Variants in CACNB2 observed in about 807,000 individuals in gnomAD.
CACNB2 encodes calcium voltage-gated channel auxiliary subunit beta 2, also known as voltage-dependent L-type calcium channel subunit beta-2.
Under a neutral mutation model 73.3 loss-of-function variants are expected in CACNB2, and 42 were observed. The ratio of observed to expected loss-of-function variants is 0.57; its 90% CI spans 0.45 to 0.74. CACNB2 has a LOEUF of 0.74. Among genes scored for constraint, CACNB2 ranks in the 30% least tolerant of loss-of-function variants. CACNB2 has a pLI of 0.00. For synonymous variants in CACNB2, 348 were observed against 310.3 expected (o/e 1.12, Z -1.28); for missense variants, 940 against 853.0 (o/e 1.10, Z -1.27).
intron 3 of CACNB2, among the ~76,000 whole-genome samples, chr10:18,433,369 C>A (rs2045981667): frequency 6.6e-6 from 1 of 152,176 alleles, no homozygotes; most frequent in Admixed American, 6.5e-5. Context: ...TACAGCATTT[C>A]TCATAATTCA....
At chr10:18,154,517 G>C (rs1237856814) in intron 2 of CACNB2, among the ~76,000 whole-genome samples, 3 of 152,076 alleles carry the variant, frequency 2.0e-5, no homozygotes, top group Non-Finnish European at 4.4e-5. Context: ...GCCCAGGCTG[G>C]AGTGCGGTGG....
chr10:18,148,700 A>G (rs1169827665), intron 1 of CACNB2, among the ~76,000 whole-genome samples: 1 of 152,192 alleles, frequency 6.6e-6, no homozygotes, highest in African/African-American at 2.4e-5. Flanking sequence ...GTTCATTTAA[A>G]AACGGTACTG....
chr10:18,415,135 A>G (rs575236369), intron 3 of CACNB2, among the ~76,000 whole-genome samples: 41 of 152,308 alleles, frequency 2.7e-4, no homozygotes, highest in African/African-American at 9.1e-4. Context: ...CATGCTAAAA[A>G]TGTGTATCAC....
intron 2 of CACNB2, among the ~76,000 whole-genome samples, chr10:18,204,583 T>TA (rs1474967408): frequency 6.6e-6 from 1 of 152,226 alleles, no homozygotes; most frequent in Non-Finnish European, 1.5e-5. Flanking sequence ...TCCTGCTTTG[T>TA]AATTTTTGCT....
At chr10:18,453,157 T>A (rs1188060605) in intron 3 of CACNB2, among the ~76,000 whole-genome samples, 2 of 152,212 alleles carry the variant, frequency 1.3e-5, no homozygotes, top group Non-Finnish European at 2.9e-5. Context: ...CCTTTTGACC[T>A]GTCTCCTCCT....
intron 2 of CACNB2, among the ~76,000 whole-genome samples, chr10:18,362,193 T>A (rs950465669): frequency 6.6e-6 from 1 of 152,218 alleles, no homozygotes; most frequent in East Asian, 1.9e-4. Flanking sequence ...TTTGTATACA[T>A]GCATACATCC....
intron 2 of CACNB2, among the ~76,000 whole-genome samples, chr10:18,346,403 G>T (rs2041456823): frequency 6.6e-6 from 1 of 152,126 alleles, no homozygotes; most frequent in South Asian, 2.1e-4. Flanking sequence ...CTCCCAAAGT[G>T]CTGGGATTAC....
At chr10:18,345,875 A>G (rs1336094652) in intron 2 of CACNB2, among the ~76,000 whole-genome samples, 1 of 152,174 alleles carries the variant, frequency 6.6e-6, no homozygotes, top group Non-Finnish European at 1.5e-5. Context: ...TTTGACAGGG[A>G]GCTAATAACC....
intron 2 of CACNB2, among the ~76,000 whole-genome samples, chr10:18,157,297 G>A (rs1450246237): frequency 2.0e-5 from 3 of 152,204 alleles, no homozygotes; most frequent in African/African-American, 7.2e-5. Context: ...GGCTACATGA[G>A]TCTGAATTCT....
chr10:18,219,522 T>G (rs1358840234), intron 2 of CACNB2, among the ~76,000 whole-genome samples: 3 of 152,198 alleles, frequency 2.0e-5, no homozygotes, highest in Non-Finnish European at 4.4e-5. Flanking sequence ...CCTATAGCCC[T>G]GGGACAAGTT....
chr10:18,331,297 G>T (rs574634681), intron 2 of CACNB2, among the ~76,000 whole-genome samples: 9 of 151,674 alleles, frequency 5.9e-5, no homozygotes, highest in Admixed American at 1.3e-4. Context: ...AATTTTTTTT[G>T]ATTAGATGAT....
chr10:18,211,969 C>T (rs1777692407), intron 2 of CACNB2, among the ~76,000 whole-genome samples: 1 of 151,968 alleles, frequency 6.6e-6, no homozygotes, highest in South Asian at 2.1e-4. Flanking sequence ...CTTTCTCAAT[C>T]TTTTCTGAAT....
intron 2 of CACNB2, among the ~76,000 whole-genome samples, chr10:18,386,946 A>C (rs1342448124): frequency 6.6e-6 from 1 of 152,236 alleles, no homozygotes; most frequent in African/African-American, 2.4e-5. Context: ...GTATTCATCC[A>C]GAAGAAATTA....
intron 3 of CACNB2, among the ~76,000 whole-genome samples, chr10:18,482,635 T>C (rs11014446): frequency 0.63 from 96,245 of 151,854 alleles, 30,603 homozygotes; most frequent in South Asian, 0.79. Flanking sequence ...CTCAACCTCC[T>C]GGGTAGGTGG....
intron 2 of CACNB2, among the ~76,000 whole-genome samples, chr10:18,222,314 C>A (rs1374929560): frequency 6.6e-6 from 1 of 152,044 alleles, no homozygotes. Flanking sequence ...GGGGAATCTG[C>A]AGAGGAAAGA....
At chr10:18,299,074 A>AT (rs559590211) in intron 2 of CACNB2, among the ~76,000 whole-genome samples, 122 of 108,926 alleles carry the variant, frequency 1.1e-3, no homozygotes, top group South Asian at 0.011. Flanking sequence ...TACTAAAAAA[A>AT]AAAAAATAAA....
chr10:18,203,630 A>G (rs151311700), intron 2 of CACNB2, among the ~76,000 whole-genome samples: 43 of 152,348 alleles, frequency 2.8e-4, no homozygotes, highest in African/African-American at 8.7e-4. Context: ...ATAGAGAAAC[A>G]TAACGGGGCG....
chr10:18,155,372 G>A (rs1280836060), intron 2 of CACNB2, among the ~76,000 whole-genome samples: 2 of 152,126 alleles, frequency 1.3e-5, no homozygotes, highest in Non-Finnish European at 2.9e-5. Context: ...TTAGTAATTT[G>A]TGGATTGTCT....
chr10:18,500,513 T>C (rs2050135285), intron 4 of CACNB2, among the ~76,000 whole-genome samples: 1 of 152,164 alleles, frequency 6.6e-6, no homozygotes, highest in African/African-American at 2.4e-5. Context: ...GGGCTGTTAT[T>C]CTTTGAACCC....
Sources: allele counts gnomAD v4.1 joint callset (sites outside exome capture counted in the v4.1 genomes callset), GRCh38; gene constraint gnomAD v4.1.1; transcripts MANE v1.5; gene names NCBI Gene and HGNC (gene_info 2026-07-23, HGNC 2026-07-21).